The following SNTG2 variants were observed in gnomAD, a reference collection of about 807,000 sequenced individuals.
SNTG2 encodes the protein gamma-2-syntrophin.
A neutral mutation model predicts 70.9 loss-of-function variants in SNTG2; 74 were observed. The ratio of observed to expected loss-of-function variants is 1.04; its 90% confidence interval spans 0.86 to 1.27. SNTG2 has a LOEUF of 1.27. Ranked by LOEUF, SNTG2 falls within the 50% of genes most tolerant of loss-of-function variation. The pLI is 0.00. For synonymous variants in SNTG2, 278 were observed against 273.8 expected (o/e 1.02, Z -0.15); for missense variants, 717 against 690.7 (o/e 1.04, Z -0.43).
In SNTG2 at chr2:1,350,766, C is replaced by T. The variant is rs143103342; in HGVS notation, c.1489-16577C>T. ...AAAAAGATATATGAAGTTTTTTCAGCTGTCATTATTGGAAAAGAAAAAGAA... is the reference window on the plus strand; with the variant it reads ...AAAAAGATATATGAAGTTTTTTCAGTTGTCATTATTGGAAAAGAAAAAGAA... On this transcript the variant is annotated intron_variant, in intron 16 of 16. Coordinates refer to ENST00000308624, the MANE Select transcript of SNTG2 (RefSeq NM_018968.4). Among the ~76,000 whole-genome samples, 41 of 152,182 alleles carry T rather than the reference C, an allele frequency of 2.7e-4. No individual in the cohort carries two copies. The East Asian group carries it at 7.8e-3, about 29-fold the overall frequency.
At chr2:1,289,486 A>G (rs1470107064) in intron 14 of SNTG2, among the ~76,000 whole-genome samples, 1 of 152,096 alleles carries the variant, frequency 6.6e-6, no homozygotes, top group Non-Finnish European at 1.5e-5. Flanking sequence ...CTGGAAGCCC[A>G]TGGCACACTT....
At chr2:1,199,476 A>T (rs966968358) in intron 8 of SNTG2, among the ~76,000 whole-genome samples, 2 of 152,054 alleles carry the variant, frequency 1.3e-5, no homozygotes, top group Admixed American at 6.5e-5. Context: ...AAAGATGCCC[A>T]CTTTTATCAC....
intron 1 of SNTG2, among the ~76,000 whole-genome samples, chr2:1,049,073 T>C (rs1661905371): frequency 6.6e-6 from 1 of 152,092 alleles, no homozygotes; most frequent in Admixed American, 6.5e-5. Flanking sequence ...GTACTCCTAG[T>C]CCCCCTTCCC....
chr2:1,162,811 G>C (rs1163198251), intron 6 of SNTG2, among the ~76,000 whole-genome samples: 3 of 152,204 alleles, frequency 2.0e-5, no homozygotes, highest in Non-Finnish European at 4.4e-5. Flanking sequence ...AAATCTGCTA[G>C]TGGTTAAGCT....
At chr2:1,281,240 TGTGTG>T (rs1324094681) in intron 14 of SNTG2, among the ~76,000 whole-genome samples, 1 of 12,596 alleles carries the variant, frequency 7.9e-5, no homozygotes, top group East Asian at 2.7e-3. Flanking sequence ...TGTGGTGTGG[TGTGTG>T]GTGTGTGTGT....
intron 2 of SNTG2, among the ~76,000 whole-genome samples, chr2:1,086,138 A>C (rs1041454862): frequency 1.3e-5 from 2 of 152,340 alleles, no homozygotes; most frequent in South Asian, 4.1e-4. Flanking sequence ...TGAAGACCAC[A>C]CAAGAAACAG....
chr2:1,289,301 T>C lies in SNTG2; in HGVS notation c.1285-19193T>C, dbSNP rs1679893586. On this transcript the variant is annotated intron_variant, in intron 14 of 16. Coordinates refer to ENST00000308624, the MANE Select transcript of SNTG2 (RefSeq NM_018968.4). The stretch of plus-strand genomic sequence containing the variant: ...TGTTCTCACCTTCAAAATGTCTCCT[T>C]CTGCCGCCGCCCTTCCCTCATCTTT... Among the ~76,000 whole-genome samples, 3 of 151,918 alleles carry C rather than the reference T, an allele frequency of 2.0e-5. No individual in the cohort carries two copies. In the South Asian group the frequency reaches 6.2e-4, roughly 32 times the overall value.
chr2:957,408 T>C (rs1411116788), intron 1 of SNTG2, among the ~76,000 whole-genome samples: 2 of 152,144 alleles, frequency 1.3e-5, no homozygotes, highest in Non-Finnish European at 2.9e-5. Context: ...GGTTTGGCGA[T>C]GATTAAGTGC....
intron 1 of SNTG2, among the ~76,000 whole-genome samples, chr2:963,644 G>T (rs1660431277): frequency 6.6e-6 from 1 of 151,970 alleles, no homozygotes; most frequent in Admixed American, 6.6e-5. Context: ...ACTAAAATTT[G>T]GGCCTTTCAT....
intron 1 of SNTG2, among the ~76,000 whole-genome samples, chr2:993,556 T>G (rs1661576144): frequency 6.6e-6 from 1 of 152,176 alleles, no homozygotes; most frequent in African/African-American, 2.4e-5. Context: ...TCCAATTATA[T>G]TTCATTATTT....
At position 1,181,064 on chromosome 2, in the gene SNTG2, T is replaced by C. The variant is rs894893693; in HGVS notation, c.591+7881T>C. Among the ~76,000 whole-genome samples, 15 of 151,802 alleles carry C rather than the reference T, an allele frequency of 9.9e-5. 1 individual carries two copies. The highest frequency in any genetic ancestry group is 3.6e-4 in the African/African-American group (15 of 41,354). On this transcript the variant is annotated intron_variant, in intron 8 of 16. Coordinates refer to ENST00000308624, the MANE Select transcript of SNTG2 (RefSeq NM_018968.4). ...GGGGAACATCAAACTCTGGGGACTG[T>C]AGTGGGGTGGGGGAAGGGGAGAGGG... is the stretch of plus-strand genomic sequence containing the variant.
At chr2:1,172,869 C>T (rs950935547) in intron 7 of SNTG2, among the ~76,000 whole-genome samples, 5 of 152,090 alleles carry the variant, frequency 3.3e-5, no homozygotes, top group East Asian at 1.9e-4. Flanking sequence ...TCACAGGAGC[C>T]GGCAGTGGTC....
At chr2:1,300,126 G>A (rs1028501858) in intron 14 of SNTG2, among the ~76,000 whole-genome samples, 1 of 152,054 alleles carries the variant, frequency 6.6e-6, no homozygotes, top group South Asian at 2.1e-4. Flanking sequence ...TGCAAGAAGT[G>A]TGCCTCAAAT....
intron 4 of SNTG2, among the ~76,000 whole-genome samples, chr2:1,125,847 A>G (rs569384150): frequency 5.3e-5 from 8 of 152,300 alleles, no homozygotes; most frequent in African/African-American, 1.7e-4. Context: ...GTACAGGGAT[A>G]GGGTGAAGCT....
In SNTG2 at chr2:1,353,703, T is replaced by C. The variant is rs1240603667; in HGVS notation, c.1489-13640T>C. 6 of 152,160 alleles carry C rather than the reference T, an allele frequency of 3.9e-5. No homozygotes were observed. The highest frequency in any genetic ancestry group is 2.1e-4 in the South Asian group (1 of 4,834). The allele number at this position is 152,160 out of a possible 1,614,324, so 9.4% of individuals were successfully genotyped here. A position where few individuals can be genotyped will look rare whatever the true frequency, so the allele number is the denominator to read the frequency against. Reference sequence around the variant, plus strand: ...TTCCCATAGGGCCATTAGGTAATGATTGGGAAAACTAAGAACCCAGGATGG... The same window carrying C: ...TTCCCATAGGGCCATTAGGTAATGACTGGGAAAACTAAGAACCCAGGATGG... On this transcript the variant is annotated intron_variant, in intron 16 of 16. Coordinates refer to ENST00000308624, the MANE Select transcript of SNTG2 (RefSeq NM_018968.4). The surrounding 1 kb of genome is among the most constrained non-coding windows in gnomAD (Gnocchi z 4.2).
At chr2:990,888 C>T (rs1347237848) in intron 1 of SNTG2, among the ~76,000 whole-genome samples, 2 of 151,590 alleles carry the variant, frequency 1.3e-5, no homozygotes, top group African/African-American at 4.8e-5. Context: ...AGAAAATTCA[C>T]CTTTTAAAAT....
rs138915976 is a variant in SNTG2, at chr2:1,166,473, C to G, written c.499+838C>G. On this transcript the variant is annotated intron_variant, in intron 7 of 16. Coordinates refer to ENST00000308624, the MANE Select transcript of SNTG2 (RefSeq NM_018968.4). The stretch of plus-strand genomic sequence containing the variant: ...TCATATTGACTGTTTTACTTTCTCT[C>G]TCTCTTCCATTGATGTCCCTATTGT... Among the ~76,000 whole-genome samples, 45 of 152,348 alleles carry G rather than the reference C, an allele frequency of 3.0e-4. No homozygotes were observed. The East Asian group carries it at 8.5e-3, about 29-fold the overall frequency.
chr2:999,703 A>G (rs1661805289), intron 1 of SNTG2, among the ~76,000 whole-genome samples: 2 of 152,022 alleles, frequency 1.3e-5, no homozygotes, highest in African/African-American at 4.8e-5. Flanking sequence ...TCAATACCCT[A>G]CTGAGAGAAC....
chr2:1,142,835 A>C (rs1386764769), intron 6 of SNTG2, among the ~76,000 whole-genome samples: 1 of 152,214 alleles, frequency 6.6e-6, no homozygotes, highest in East Asian at 1.9e-4. Flanking sequence ...AACCCTAAAC[A>C]CATACTCCCA....
Sources: allele counts gnomAD v4.1 joint callset (sites outside exome capture counted in the v4.1 genomes callset), GRCh38; gene constraint gnomAD v4.1.1; non-coding constraint Gnocchi (gnomAD v3.1); transcripts MANE v1.5; gene names NCBI Gene and HGNC (gene_info 2026-07-23, HGNC 2026-07-21).